ADAMTS18: variants seen among roughly 807,000 people sequenced by gnomAD.
ADAMTS18 encodes A disintegrin and metalloproteinase with thrombospondin motifs 18.
A neutral mutation model predicts 165.9 loss-of-function variants in ADAMTS18; 157 were observed. That is an observed-to-expected ratio of 0.95 (90% CI 0.83 to 1.08). The LOEUF (loss-of-function observed/expected upper bound fraction) is 1.08, where lower values mean the gene tolerates loss of function less well. ADAMTS18 is among the 50% of genes least tolerant of loss of function. The pLI is 0.00. For synonymous variants in ADAMTS18, 782 were observed against 578.2 expected, an observed-to-expected ratio of 1.35 and a Z score of -5.06; for missense variants, 2,040 against 1,534.0, an observed-to-expected ratio of 1.33 and a Z score of -5.51.
At chr16:77,320,449 G>T (rs967491859) in intron 15 of ADAMTS18, among the ~76,000 whole-genome samples, 2 of 152,092 alleles carry the variant, frequency 1.3e-5, no homozygotes, top group African/African-American at 4.8e-5. Context: ...GACCAGCCTG[G>T]CCAGTGTGGT....
rs139311207 is a variant in ADAMTS18 at position 77,371,218 on chromosome 16, T to TAAAAACAAAAACAAAAACAAAAAC, written c.496-3519_496-3496dup. ...TGACAGAGCAAGACTCTGACTCAAT[T>TAAAAACAAAAACAAAAACAAAAAC]AAAAACAAAAACAAAAACAAAAACA... On this transcript the variant is annotated intron_variant, in intron 3 of 22. Transcript: ENST00000282849. Among the ~76,000 whole-genome samples, 79 of 149,692 alleles carry TAAAAACAAAAACAAAAACAAAAAC rather than the reference T, an allele frequency of 5.3e-4. 1 individual carries two copies. The highest frequency in any genetic ancestry group is 1.8e-3 in the African/African-American group (75 of 40,828).
intron 19 of ADAMTS18, among the ~76,000 whole-genome samples, chr16:77,294,315 C>T (rs1450147278): frequency 1.3e-5 from 2 of 152,024 alleles, no homozygotes; most frequent in Non-Finnish European, 2.9e-5. Flanking sequence ...TCACCTCTAC[C>T]CACTAGATGC....
chr16:77,432,350 C>T (rs778528143), intron 2 of ADAMTS18: 1 of 152,240 alleles, frequency 6.6e-6, no homozygotes, highest in Non-Finnish European at 1.5e-5. Flanking sequence ...TATAAAATTG[C>T]TCAGGCATGT....
At chr16:77,360,888 A>C (rs1275363521) in intron 7 of ADAMTS18, among the ~76,000 whole-genome samples, 6 of 152,102 alleles carry the variant, frequency 3.9e-5, no homozygotes, top group Non-Finnish European at 8.8e-5. Flanking sequence ...GGAGTTCGAG[A>C]CCAGCCTGGC....
chr16:77,424,660 C>T (rs760042273), intron 3 of ADAMTS18, among the ~76,000 whole-genome samples: 9 of 152,048 alleles, frequency 5.9e-5, no homozygotes, highest in Non-Finnish European at 1.2e-4. Context: ...ATTCTCTTCA[C>T]AAATCATGTC....
At position 77,291,196 on chromosome 16, in the gene ADAMTS18, C is replaced by A. The variant is rs923127395; in HGVS notation, c.3402+70G>T. The A allele has an allele frequency of 9.8e-6, 15 of 1,529,966 alleles. No individual in the cohort carries two copies. The African/African-American group carries it at 1.8e-4, about 18-fold the overall frequency. The allele number at this position is 1,529,966 out of a possible 1,614,324, so 94.8% of individuals were successfully genotyped here. On this transcript the variant is annotated intron_variant, in intron 21 of 22. Transcript: ENST00000282849. Reference sequence around the variant, plus strand: ...ACAACCATTAACAGACTAAGAGCAACTGTTTGCAGAACGCCTCATTTTTCG... The same window carrying A: ...ACAACCATTAACAGACTAAGAGCAAATGTTTGCAGAACGCCTCATTTTTCG...
chr16:77,415,914 G>A (rs1220321600), intron 3 of ADAMTS18, among the ~76,000 whole-genome samples: 2 of 152,030 alleles, frequency 1.3e-5, no homozygotes, highest in African/African-American at 4.8e-5. Flanking sequence ...TGTAACAAAC[G>A]TTTGAGTGCC....
chr16:77,361,981 A>C, intron 7 of ADAMTS18, 124 bp downstream of exon 7: 1 of 1,091,670 alleles, frequency 9.2e-7, no homozygotes, highest in Non-Finnish European at 1.4e-6. Flanking sequence ...ACATTAGGTT[A>C]CTCCATAATT....
intron 22 of ADAMTS18, among the ~76,000 whole-genome samples, chr16:77,287,219 A>G (rs1186294946): frequency 6.6e-6 from 1 of 152,190 alleles, no homozygotes; most frequent in East Asian, 1.9e-4. Context: ...GAAGAGGCAA[A>G]GAACGGAATC....
intron 3 of ADAMTS18, among the ~76,000 whole-genome samples, chr16:77,416,454 T>C (rs951697744): frequency 6.6e-6 from 1 of 152,178 alleles, no homozygotes; most frequent in Non-Finnish European, 1.5e-5. Context: ...AACTGAATCA[T>C]GGGGGTGGTT....
Position 77,283,876 on chromosome 16 carries a change from C to G in ADAMTS18, c.*80G>C, listed in dbSNP as rs940455115. 4.5e-6 allele frequency: 5 copies of G among 1,103,218 alleles called. No homozygotes were observed. Among genetic ancestry groups the G allele is most frequent in the Non-Finnish European group, 7.0e-6 (5 of 718,912 alleles). The allele number at this position is 1,103,218 out of a possible 1,614,324, so 68.3% of individuals were successfully genotyped here. A position where few individuals can be genotyped will look rare whatever the true frequency, so the allele number is the denominator to read the frequency against. Reference sequence around the variant, plus strand: ...CACAGATGGTTCTCGGTGCTCAGCTCCTGGTCTCAAAGGCAGCTGGTCTCT... The same window carrying G: ...CACAGATGGTTCTCGGTGCTCAGCTGCTGGTCTCAAAGGCAGCTGGTCTCT... On this transcript the variant is annotated 3_prime_UTR_variant, in exon 23 of 23. Transcript: ENST00000282849.
Position 77,367,426 on chromosome 16 carries a change from A to C in ADAMTS18, c.778+15T>G. 2 of 1,614,066 alleles carry C rather than the reference A, an allele frequency of 1.2e-6. No homozygotes were observed. Among genetic ancestry groups the C allele is most frequent in the Non-Finnish European group, 1.7e-6 (2 of 1,180,012 alleles). ...CCCACATAAGAACAGAAAAAGAAAA[A>C]GTTTCCTTACATACATTTCTTGCGT... On this transcript the variant is annotated intron_variant, in intron 4 of 22. Coordinates refer to ENST00000282849, the MANE Select transcript of ADAMTS18 (RefSeq NM_199355.4).
intron 22 of ADAMTS18, among the ~76,000 whole-genome samples, chr16:77,288,744 C>A (rs2055304306): frequency 2.6e-5 from 4 of 152,130 alleles, no homozygotes; most frequent in Admixed American, 6.5e-5. Context: ...CTTTATGTTC[C>A]CATTTTCAAA....
chr16:77,336,205 G>C (rs527982392), intron 11 of ADAMTS18, among the ~76,000 whole-genome samples: 1 of 152,226 alleles, frequency 6.6e-6, no homozygotes, highest in South Asian at 2.1e-4. Context: ...TAACAGCCAA[G>C]GGAGTCAGTA....
chr16:77,401,155 T>G (rs1264774606), intron 3 of ADAMTS18, among the ~76,000 whole-genome samples: 3 of 152,058 alleles, frequency 2.0e-5, no homozygotes, highest in Admixed American at 1.3e-4. Context: ...CTCAGGAGTC[T>G]GAGGCAGGAG....
intron 19 of ADAMTS18, among the ~76,000 whole-genome samples, chr16:77,294,697 C>A (rs1449464871): frequency 2.0e-5 from 3 of 152,192 alleles, no homozygotes; most frequent in Non-Finnish European, 4.4e-5. Context: ...GGCCCCCACA[C>A]TCCAATTTCT....
chr16:77,353,907 T>C, intron 9 of ADAMTS18, 21 bp from the exon 10 acceptor site: 1 of 1,614,070 alleles, frequency 6.2e-7, no homozygotes, highest in Non-Finnish European at 8.5e-7. Context: ...AATACATGCT[T>C]ATTAATTACT....
At chr16:77,429,265 A>G (rs1242868248) in intron 3 of ADAMTS18, among the ~76,000 whole-genome samples, 1 of 152,206 alleles carries the variant, frequency 6.6e-6, no homozygotes, top group East Asian at 1.9e-4. Context: ...ATAAAAATAA[A>G]CGAGATCAGG....
intron 3 of ADAMTS18, among the ~76,000 whole-genome samples, chr16:77,396,221 G>A (rs531896346): frequency 6.6e-6 from 1 of 152,282 alleles, no homozygotes; most frequent in Non-Finnish European, 1.5e-5. Flanking sequence ...TTAATCTCTA[G>A]ACATTCCAGT....
Sources: allele counts gnomAD v4.1 joint callset (sites outside exome capture counted in the v4.1 genomes callset), GRCh38; gene constraint gnomAD v4.1.1; transcripts MANE v1.5; gene names NCBI Gene and HGNC (gene_info 2026-07-23, HGNC 2026-07-21).